Variants in C1orf94 observed in about 807,000 individuals in gnomAD.
The protein encoded by C1orf94 is chromosome 1 open reading frame 94, also known as uncharacterized protein C1orf94.
C1orf94 carries 45 observed loss-of-function variants against 53.6 expected under a neutral mutation model. That is an observed-to-expected ratio of 0.84 (90% CI 0.66 to 1.08). The LOEUF (loss-of-function observed/expected upper bound fraction) is 1.08, where lower values mean the gene tolerates loss of function less well. C1orf94 is among the 50% of genes least tolerant of loss of function. The probability of loss-of-function intolerance (pLI) is 0.00; values close to 1 mark genes in which losing one functional copy is unlikely to be tolerated. For missense variants in C1orf94, 762 were observed against 738.9 expected, an observed-to-expected ratio of 1.03 and a Z score of -0.36; for synonymous variants, 304 against 296.1, an observed-to-expected ratio of 1.03 and a Z score of -0.27.
intron 1 of C1orf94, among the ~76,000 whole-genome samples, chr1:34,190,267 C>T (rs1238857403): frequency 6.6e-6 from 1 of 152,188 alleles, no homozygotes; most frequent in Non-Finnish European, 1.5e-5. Flanking sequence ...ATAACCCTCA[C>T]CCATGGAAAC....
In C1orf94 at chr1:34,197,643, T is replaced by C. The variant is rs2148617794; in HGVS notation, c.739T>C (p.Ser247Pro). The part of the protein sequence containing the change: ...SKLLSQFPLK[S>P]TETSKVPDNK... ...GCTTCTGTCCCAGTTCCCACTGAAG[T>C]CCACTGAGACATCCAAGGTCCCTGA... The change falls in exon 2 of 7, where the codon TCC becomes CCC. Residue 247 changes from serine (S) to proline (P), a missense_variant. Transcript: ENST00000488417. This position sits in a 1 kb window ranked among gnomAD's most constrained non-coding sequence, Gnocchi z 4.1. 1.9e-6 allele frequency: 3 copies of C among 1,614,086 alleles called. No homozygotes were observed. Among genetic ancestry groups the C allele is most frequent in the Middle Eastern group, 1.6e-4 (1 of 6,062 alleles).
At chr1:34,194,610 T>C (rs971886935) in intron 1 of C1orf94, among the ~76,000 whole-genome samples, 1 of 152,182 alleles carries the variant, frequency 6.6e-6, no homozygotes, top group Non-Finnish European at 1.5e-5. Context: ...TTAGCAATGA[T>C]TAACATATGG....
At chr1:34,198,051 C>T (rs1206178646) in intron 2 of C1orf94, 138 bp downstream of exon 2, 1 of 966,418 alleles carries the variant, frequency 1.0e-6, no homozygotes, top group African/African-American at 1.7e-5. Flanking sequence ...GGGCACAGCC[C>T]CGAGGGACGG....
At chr1:34,183,595 C>T (rs1557477949) in intron 1 of C1orf94, among the ~76,000 whole-genome samples, 2 of 152,172 alleles carry the variant, frequency 1.3e-5, no homozygotes, top group East Asian at 3.9e-4. Flanking sequence ...TGGCTTATGC[C>T]TATAATCCCA....
chr1:34,217,899 C>A (rs1643016763), intron 6 of C1orf94, among the ~76,000 whole-genome samples: 1 of 152,156 alleles, frequency 6.6e-6, no homozygotes, highest in Non-Finnish European at 1.5e-5. Flanking sequence ...GAGTTCTGTT[C>A]CCATTCATTC....
At chr1:34,183,720 G>C (rs1642343995) in intron 1 of C1orf94, among the ~76,000 whole-genome samples, 1 of 152,132 alleles carries the variant, frequency 6.6e-6, no homozygotes, top group Non-Finnish European at 1.5e-5. Flanking sequence ...GCTGAGCGTG[G>C]TGGCAGGTGC....
chr1:34,174,749 G>A (rs750359949), upstream of C1orf94, among the ~76,000 whole-genome samples: 1 of 152,180 alleles, frequency 6.6e-6, no homozygotes, highest in Non-Finnish European at 1.5e-5. Context: ...AAATTCTGTT[G>A]TTTAAGCCAC....
rs759549703 is a variant in C1orf94, at chr1:34,202,089, G to A, written c.1276G>A (p.Ala426Thr). The A allele has an allele frequency of 9.3e-6, 15 of 1,613,030 alleles. No homozygotes were observed. Among genetic ancestry groups the A allele is most frequent in the Middle Eastern group, 3.3e-4 (2 of 6,082 alleles). Residue 426 changes from alanine (A) to threonine (T), a missense_variant, in exon 4 of 7, where the codon GCA becomes ACA. Physicochemically the swap from Ala to Thr is moderately conservative, Grantham distance 58 (BLOSUM62 0). Transcript: ENST00000488417. ...EVDGPELKFNAPVTVADKNNP... is the reference protein window; with the variant it reads ...EVDGPELKFNTPVTVADKNNP... Reference sequence around the variant, plus strand: ...GCCTCTCCTGTGACTTGCAGTTAACGCACCTGTGACGGTTGCTGACAAGAA... The same window carrying A: ...GCCTCTCCTGTGACTTGCAGTTAACACACCTGTGACGGTTGCTGACAAGAA...
At chr1:34,181,819 G>A (rs769433934) in intron 1 of C1orf94, among the ~76,000 whole-genome samples, 5 of 152,216 alleles carry the variant, frequency 3.3e-5, no homozygotes, top group Non-Finnish European at 5.9e-5. Context: ...CTTCTCTGAG[G>A]AGATGTGATT....
chr1:34,177,009 G>C lies in C1orf94; in HGVS notation c.-781G>C, dbSNP rs1642236529. On this transcript the variant is annotated 5_prime_UTR_variant, in exon 1 of 7. Transcript: ENST00000488417. ...GCAGGCAAATTGGTGGGAGCCGCCC[G>C]GCCCAGCCTGCCTTGCCGAGTCAGC... Among the ~76,000 whole-genome samples the C allele has an allele frequency of 6.6e-6, 1 of 152,194 alleles. No individual in the cohort carries two copies. Among genetic ancestry groups the C allele is most frequent in the Non-Finnish European group, 1.5e-5 (1 of 68,022 alleles).
At chr1:34,202,301 G>A (rs753636151) in intron 4 of C1orf94, 42 bp downstream of exon 4, 1 of 1,596,924 alleles carries the variant, frequency 6.3e-7, no homozygotes, top group South Asian at 1.1e-5. Context: ...ATCCACGGGG[G>A]TTTTGGCCAC....
chr1:34,204,882 A>C (rs1281941470), intron 4 of C1orf94, among the ~76,000 whole-genome samples: 2 of 151,946 alleles, frequency 1.3e-5, no homozygotes, highest in Non-Finnish European at 2.9e-5. Context: ...AAAAATGATG[A>C]CTAAGAAAAG....
At chr1:34,206,336 T>A (rs531307401) in intron 4 of C1orf94, among the ~76,000 whole-genome samples, 1 of 152,048 alleles carries the variant, frequency 6.6e-6, no homozygotes, top group African/African-American at 2.4e-5. Flanking sequence ...GAGAAGATGA[T>A]GAAAAAGAGG....
At chr1:34,180,236 A>G (rs1327628452) in intron 1 of C1orf94, among the ~76,000 whole-genome samples, 1 of 152,252 alleles carries the variant, frequency 6.6e-6, no homozygotes, top group Non-Finnish European at 1.5e-5. Context: ...AATAATTCAG[A>G]TTTGTAAAAA....
chr1:34,178,716 T>C (rs1642268332), intron 1 of C1orf94, among the ~76,000 whole-genome samples: 1 of 152,228 alleles, frequency 6.6e-6, no homozygotes, highest in African/African-American at 2.4e-5. Context: ...AACACAGAGC[T>C]AAGTGTTTCT....
intron 1 of C1orf94, among the ~76,000 whole-genome samples, chr1:34,185,240 C>A (rs377669037): frequency 6.6e-6 from 1 of 152,008 alleles, no homozygotes. Flanking sequence ...AGTGCAGTGG[C>A]GCGATCTTGG....
At chr1:34,191,934 C>A (rs376804266) in intron 1 of C1orf94, among the ~76,000 whole-genome samples, 1 of 152,076 alleles carries the variant, frequency 6.6e-6, no homozygotes, top group Non-Finnish European at 1.5e-5. Flanking sequence ...CCGAGTATGG[C>A]GCTACTATTG....
chr1:34,210,921 C>T (rs891899865), intron 5 of C1orf94, among the ~76,000 whole-genome samples: 4 of 151,866 alleles, frequency 2.6e-5, no homozygotes, highest in African/African-American at 9.7e-5. Flanking sequence ...CCAAAGTGCT[C>T]GGTTACAGGC....
chr1:34,198,886 G>C (rs1044180478), intron 2 of C1orf94, among the ~76,000 whole-genome samples: 7 of 152,172 alleles, frequency 4.6e-5, no homozygotes, highest in African/African-American at 1.7e-4. Flanking sequence ...GTAGGAGAGA[G>C]ACGGTTGAGC....
Sources: allele counts gnomAD v4.1 joint callset (sites outside exome capture counted in the v4.1 genomes callset), GRCh38; gene constraint gnomAD v4.1.1; non-coding constraint Gnocchi (gnomAD v3.1); transcripts MANE v1.5; gene names NCBI Gene and HGNC (gene_info 2026-07-23, HGNC 2026-07-21).